Variants in SACM1L observed in about 807,000 individuals in gnomAD.
SACM1L encodes phosphatidylinositol-3-phosphatase SAC1.
SACM1L carries 32 observed loss-of-function variants against 89.5 expected under a neutral mutation model. That is an observed-to-expected ratio of 0.36 (90% CI 0.27 to 0.48). The LOEUF is 0.48. Among genes scored for constraint, SACM1L ranks in the 20% least tolerant of loss-of-function variants. The pLI is 0.99. For missense variants in SACM1L, 543 were observed against 708.5 expected, an observed-to-expected ratio of 0.77 and a Z score of 2.65; for synonymous variants, 213 against 232.8, an observed-to-expected ratio of 0.92 and a Z score of 0.77.
At chr3:45,739,557 A>G in intron 18 of SACM1L, 30 bp from the exon 19 acceptor site, 1 of 1,608,900 alleles carries the variant, frequency 6.2e-7, no homozygotes, top group Non-Finnish European at 8.5e-7. Context: ...GCATTCTTAA[A>G]TGATGATCTC....
intron 11 of SACM1L, among the ~76,000 whole-genome samples, chr3:45,725,638 C>T (rs1033070129): frequency 2.7e-5 from 4 of 150,268 alleles, no homozygotes; most frequent in African/African-American, 7.3e-5. Context: ...GATCGTGTCA[C>T]CTGTGAACAG....
intron 19 of SACM1L, 77 bp downstream of exon 19, chr3:45,739,721 A>T: frequency 7.7e-7 from 1 of 1,305,578 alleles, no homozygotes; most frequent in Non-Finnish European, 1.1e-6. Flanking sequence ...TTTTGAGTTC[A>T]CCGAACACTT....
At chr3:45,707,560 G>C (rs1332927969) in intron 4 of SACM1L, among the ~76,000 whole-genome samples, 1 of 152,204 alleles carries the variant, frequency 6.6e-6, no homozygotes, top group Non-Finnish European at 1.5e-5. Flanking sequence ...AGAAGAAGTA[G>C]CTGACCATGG....
At chr3:45,728,925 C>T (rs1038989189) in intron 11 of SACM1L, among the ~76,000 whole-genome samples, 1 of 152,120 alleles carries the variant, frequency 6.6e-6, no homozygotes, top group Non-Finnish European at 1.5e-5. Context: ...CCTCTTGCCT[C>T]AGCCTACCAA....
At chr3:45,736,195 A>G (rs1699193903) in intron 14 of SACM1L, among the ~76,000 whole-genome samples, 1 of 152,176 alleles carries the variant, frequency 6.6e-6, no homozygotes, top group African/African-American at 2.4e-5. Context: ...CGTTAATACA[A>G]AAGTAGCACC....
chr3:45,731,427 A>G (rs1482001829), intron 12 of SACM1L, 47 bp downstream of exon 12: 2 of 1,263,506 alleles, frequency 1.6e-6, no homozygotes, highest in African/African-American at 1.5e-5. Flanking sequence ...TCAGATGTGC[A>G]CTTACATATA....
intron 1 of SACM1L, among the ~76,000 whole-genome samples, chr3:45,693,700 A>G (rs1609554): frequency 0.48 from 73,371 of 152,072 alleles, 18,243 homozygotes; most frequent in Middle Eastern, 0.57. Context: ...TTGCTCTCGC[A>G]TTAGTCCTCA....
Position 45,719,601 on chromosome 3 carries a change from G to A in SACM1L, c.679G>A (p.Gly227Arg). ...FRAGVRYYVRGIDSEGHAANF... is the reference protein window; with the variant it reads ...FRAGVRYYVRRIDSEGHAANF... ...AGCTGGTGTGCGCTATTATGTAAGA[G>A]GTGAGAATTTTGTCAGCATGGGTCA... Residue 227 changes from glycine (G) to arginine (R), a missense_variant and splice_region_variant, in exon 8 of 20, where the codon GGA becomes AGA. Physicochemically the swap from Gly to Arg is moderately radical, Grantham distance 125. Around this residue, in one of 2 missense-constraint regions of SACM1L, gnomAD observed 370 missense variants for 527.6 expected, o/e 0.70. Transcript: ENST00000389061. 6.3e-7 allele frequency: 1 copy of A among 1,596,198 alleles called. No homozygotes were observed.
At chr3:45,716,407 T>C (rs1239948220) in intron 7 of SACM1L, among the ~76,000 whole-genome samples, 1 of 152,132 alleles carries the variant, frequency 6.6e-6, no homozygotes, top group African/African-American at 2.4e-5. Flanking sequence ...ATTTTGAAGC[T>C]TCAGTGAGCT....
intron 1 of SACM1L, among the ~76,000 whole-genome samples, chr3:45,690,569 A>G (rs987422209): frequency 1.3e-5 from 2 of 152,218 alleles, no homozygotes; most frequent in African/African-American, 2.4e-5. Flanking sequence ...GGTTCAGTGG[A>G]AAGTTAGAGG....
At chr3:45,712,272 T>C (rs1209244303) in intron 5 of SACM1L, among the ~76,000 whole-genome samples, 1 of 152,056 alleles carries the variant, frequency 6.6e-6, no homozygotes, top group Non-Finnish European at 1.5e-5. Context: ...TGAGACAGAG[T>C]CTTGCTCTGT....
intron 11 of SACM1L, among the ~76,000 whole-genome samples, chr3:45,724,814 A>G (rs1029065057): frequency 6.6e-6 from 1 of 152,044 alleles, no homozygotes; most frequent in South Asian, 2.1e-4. Context: ...TGTTTCGTGT[A>G]TGTGTGTCTG....
chr3:45,717,634 A>G (rs765447821), intron 7 of SACM1L, among the ~76,000 whole-genome samples: 10 of 152,282 alleles, frequency 6.6e-5, no homozygotes, highest in Non-Finnish European at 1.2e-4. Flanking sequence ...TGTTACATAT[A>G]GAAAATACCA....
intron 11 of SACM1L, among the ~76,000 whole-genome samples, chr3:45,725,665 C>T (rs1486689781): frequency 6.7e-6 from 1 of 150,350 alleles, no homozygotes; most frequent in African/African-American, 2.4e-5. Flanking sequence ...TTTTATGCTT[C>T]CTTTCCAATT....
chr3:45,693,137 G>A (rs973988273), intron 1 of SACM1L, among the ~76,000 whole-genome samples: 2 of 152,146 alleles, frequency 1.3e-5, no homozygotes, highest in African/African-American at 4.8e-5. Context: ...GTAAAGATTT[G>A]TGTATGTATA....
intron 1 of SACM1L, among the ~76,000 whole-genome samples, chr3:45,696,484 G>A (rs1698131027): frequency 6.6e-6 from 1 of 152,126 alleles, no homozygotes; most frequent in Non-Finnish European, 1.5e-5. Context: ...TATATACCCG[G>A]AAGTGGAATT....
chr3:45,733,871 A>G (rs1480431727), intron 13 of SACM1L, among the ~76,000 whole-genome samples: 1 of 152,184 alleles, frequency 6.6e-6, no homozygotes, highest in Non-Finnish European at 1.5e-5. Flanking sequence ...TGCTAAGGCT[A>G]GCAAACAGAT....
At chr3:45,738,724 G>T (rs1467642016) in intron 17 of SACM1L, 53 bp downstream of exon 17, 65 of 1,512,698 alleles carry the variant, frequency 4.3e-5, no homozygotes, top group Non-Finnish European at 5.1e-5. Flanking sequence ...TCTTTGCATT[G>T]TTCATCACTA....
At chr3:45,742,805 A>C (rs1238507426) in intron 19 of SACM1L, 2 of 152,352 alleles carry the variant, frequency 1.3e-5, no homozygotes, top group East Asian at 3.9e-4. Context: ...TTCAGCATCA[A>C]TATGGTGACC....
Sources: gnomAD v4.1 joint callset for allele counts (sites outside exome capture counted in the v4.1 genomes callset) on GRCh38, gnomAD v4.1.1 for gene constraint, gnomAD v4.1.1 regional missense constraint, MANE v1.5 for transcripts, NCBI Gene and HGNC (gene_info 2026-07-23, HGNC 2026-07-21) for gene names.